Variants in KCNQ3 observed in about 807,000 individuals in gnomAD.
KCNQ3 encodes potassium voltage-gated channel subfamily Q member 3.
A neutral mutation model predicts 92.5 loss-of-function variants in KCNQ3; 30 were observed. That is an observed-to-expected ratio of 0.32 (90% confidence interval 0.24 to 0.44). The LOEUF (loss-of-function observed/expected upper bound fraction) is 0.44, where lower values mean the gene tolerates loss of function less well. Ranked by LOEUF, KCNQ3 falls within the 20% of genes least tolerant of loss-of-function variation. The pLI is 1.00. For synonymous variants in KCNQ3, 450 were observed against 468.8 expected, an observed-to-expected ratio of 0.96 and a Z score of 0.52; for missense variants, 913 against 1,140.3, an observed-to-expected ratio of 0.80 and a Z score of 2.87.
intron 8 of KCNQ3, among the ~76,000 whole-genome samples, chr8:132,166,344 TTTA>T (rs775406469): frequency 1.3e-5 from 2 of 152,192 alleles, no homozygotes; most frequent in Non-Finnish European, 2.9e-5. Context: ...ACATGCTCTG[TTTA>T]TAAAAAGCAA....
chr8:132,281,689 C>T (rs1764784821), intron 1 of KCNQ3, among the ~76,000 whole-genome samples: 1 of 152,020 alleles, frequency 6.6e-6, no homozygotes, highest in Admixed American at 6.5e-5. Context: ...CTCCTGATTG[C>T]ATGCCCACCG....
At chr8:132,359,421 CTG>C (rs1172271057) in intron 1 of KCNQ3, among the ~76,000 whole-genome samples, 2 of 152,172 alleles carry the variant, frequency 1.3e-5, no homozygotes, top group Non-Finnish European at 2.9e-5. Flanking sequence ...AGGGTGCTCA[CTG>C]TGTCCTGCTG....
At chr8:132,304,314 G>A (rs376635728) in intron 1 of KCNQ3, among the ~76,000 whole-genome samples, 6 of 152,144 alleles carry the variant, frequency 3.9e-5, no homozygotes, top group Admixed American at 3.9e-4. Flanking sequence ...GTTTAAAAAT[G>A]CCATAAAATA....
At chr8:132,166,685 T>TA (rs574614019) in intron 8 of KCNQ3, among the ~76,000 whole-genome samples, 52 of 152,062 alleles carry the variant, frequency 3.4e-4, no homozygotes, top group African/African-American at 1.2e-3. Context: ...TAATTTGTAA[T>TA]AAAAAAAATA....
chr8:132,451,342 T>C (rs971843333), intron 1 of KCNQ3, among the ~76,000 whole-genome samples: 1 of 152,242 alleles, frequency 6.6e-6, no homozygotes, highest in Non-Finnish European at 1.5e-5. Flanking sequence ...CTCAGCTATG[T>C]CTTTATTAGC....
In KCNQ3 at chr8:132,179,314, C is replaced by G. The variant is rs994184846; in HGVS notation, c.777+843G>C. Reference sequence around the variant, plus strand: ...CTCTGGAAAAGGAATGGACTGAGTTCCATCCCTCCTGGATTCTGATCTACC... The same window carrying G: ...CTCTGGAAAAGGAATGGACTGAGTTGCATCCCTCCTGGATTCTGATCTACC... On this transcript the variant is annotated intron_variant, in intron 4 of 14. Transcript: ENST00000388996. Among the ~76,000 whole-genome samples, 9 of 151,978 alleles carry G rather than the reference C, an allele frequency of 5.9e-5. No individual in the cohort carries two copies. The South Asian group carries it at 1.7e-3, about 28-fold the overall frequency.
intron 1 of KCNQ3, among the ~76,000 whole-genome samples, chr8:132,311,831 A>C (rs535177280): frequency 6.6e-6 from 1 of 152,294 alleles, no homozygotes; most frequent in East Asian, 1.9e-4. Flanking sequence ...AATGTCCCCC[A>C]AATTTGTCTA....
chr8:132,236,103 A>T (rs992220451), intron 1 of KCNQ3, among the ~76,000 whole-genome samples: 1 of 152,226 alleles, frequency 6.6e-6, no homozygotes, highest in Non-Finnish European at 1.5e-5. Context: ...CTATACCAGC[A>T]TGGCAGTGGG....
intron 14 of KCNQ3, among the ~76,000 whole-genome samples, chr8:132,131,514 C>T (rs1824877423): frequency 6.6e-6 from 1 of 152,150 alleles, no homozygotes; most frequent in African/African-American, 2.4e-5. Flanking sequence ...CATGCAGTGG[C>T]AGGTCACTAG....
At chr8:132,276,159 A>G (rs1816323416) in intron 1 of KCNQ3, among the ~76,000 whole-genome samples, 1 of 152,152 alleles carries the variant, frequency 6.6e-6, no homozygotes, top group Non-Finnish European at 1.5e-5. Context: ...CAAGAACTCA[A>G]TTTTTATTTT....
chr8:132,448,074 T>C lies in KCNQ3; in HGVS notation c.386+32073A>G, dbSNP rs932018252. On this transcript the variant is annotated intron_variant, in intron 1 of 14. Transcript: ENST00000388996. ...GTGCCTGGAAAATGCAAATGCTCAA[T>C]AAACGTTCCTTCCTATTGTCAAAGA... 4.6e-5 allele frequency among the ~76,000 whole-genome samples: 7 copies of C among 152,306 alleles called. 1 individual carries two copies. The highest frequency in any genetic ancestry group is 3.4e-3 in the Middle Eastern group (1 of 294).
chr8:132,213,174 T>A (rs1450042962), intron 1 of KCNQ3, among the ~76,000 whole-genome samples: 1 of 152,202 alleles, frequency 6.6e-6, no homozygotes, highest in Non-Finnish European at 1.5e-5. Context: ...CAATTTCTTC[T>A]TCTTAGACCC....
At chr8:132,342,690 T>C (rs542435737) in intron 1 of KCNQ3, among the ~76,000 whole-genome samples, 102 of 152,358 alleles carry the variant, frequency 6.7e-4, no homozygotes, top group African/African-American at 2.3e-3. Context: ...CTTGCCCTAG[T>C]CATGCCTTTC....
intron 9 of KCNQ3, among the ~76,000 whole-genome samples, chr8:132,153,895 C>G (rs910023704): frequency 6.6e-6 from 1 of 152,092 alleles, no homozygotes; most frequent in Non-Finnish European, 1.5e-5. Flanking sequence ...GAGAAAGGAG[C>G]CAGGGACACC....
intron 1 of KCNQ3, chr8:132,447,288 C>T (rs1587029657): frequency 6.5e-7 from 1 of 1,528,436 alleles, no homozygotes; most frequent in African/African-American, 1.4e-5. Flanking sequence ...AGAAATAACC[C>T]TAAAGCAGGG....
chr8:132,243,772 G>A (rs1035481370), intron 1 of KCNQ3, among the ~76,000 whole-genome samples: 1 of 152,182 alleles, frequency 6.6e-6, no homozygotes, highest in South Asian at 2.1e-4. Flanking sequence ...CTCAACAATT[G>A]TTCATTTCCC....
chr8:132,375,899 G>A (rs555776898), intron 1 of KCNQ3, among the ~76,000 whole-genome samples: 12 of 152,210 alleles, frequency 7.9e-5, no homozygotes, highest in Non-Finnish European at 1.6e-4. Flanking sequence ...CATGTCATTC[G>A]TCATGCTAGC....
intron 1 of KCNQ3, among the ~76,000 whole-genome samples, chr8:132,309,756 TTAATC>T (rs1186625751): frequency 6.6e-6 from 1 of 152,144 alleles, no homozygotes; most frequent in Non-Finnish European, 1.5e-5. Context: ...CCCCATCCCT[TTAATC>T]ACAAAATCTT....
rs140726103 is a variant in KCNQ3, at chr8:132,303,784, A to T, written c.387-117603T>A. Among the ~76,000 whole-genome samples, 995 of 148,118 alleles carry T rather than the reference A, an allele frequency of 6.7e-3. 9 individuals carry two copies. Among genetic ancestry groups the T allele is most frequent in the African/African-American group, 0.023 (934 of 40,412 alleles). Reference sequence around the variant, plus strand: ...ATATCAGCCTCCCATAAAATATTGCATAAAATATTACATGTGTGTATAGAT... The same window carrying T: ...ATATCAGCCTCCCATAAAATATTGCTTAAAATATTACATGTGTGTATAGAT... On this transcript the variant is annotated intron_variant, in intron 1 of 14. Transcript: ENST00000388996.
Sources: allele counts gnomAD v4.1 joint callset (sites outside exome capture counted in the v4.1 genomes callset), GRCh38; gene constraint gnomAD v4.1.1; transcripts MANE v1.5; gene names NCBI Gene and HGNC (gene_info 2026-07-23, HGNC 2026-07-21).